PROM2: variants seen among roughly 807,000 people sequenced by gnomAD.
The protein encoded by PROM2 is prominin 2, also known as prominin-2.
PROM2 carries 90 observed loss-of-function variants against 110.2 expected under a neutral mutation model. The observed-to-expected ratio is 0.82, with a 90% CI of 0.69 to 0.97. The LOEUF is 0.97. PROM2 is among the 50% of genes least tolerant of loss of function. The pLI is 0.00. For missense variants in PROM2, 1,009 were observed against 1,074.8 expected (o/e 0.94, Z 0.86); for synonymous variants, 470 against 467.8 (o/e 1.00, Z -0.06).
In PROM2 at chr2:95,288,246, C is replaced by T. The variant is rs531638431; in HGVS notation, c.2280C>T (p.Ser760=). 34 of 1,614,046 alleles carry T rather than the reference C, an allele frequency of 2.1e-5. 1 individual carries two copies. The highest frequency in any genetic ancestry group is 1.1e-4 in the South Asian group (10 of 91,084). ...GCATTGCCACCTGCCAGCCCCTCTC[C>T]GGAGCCCTGGACAACAGCCGTGTGA... is the stretch of plus-strand genomic sequence containing the variant. ...TQRIATCQPL[S]GALDNSRVIL... is the part of the protein sequence containing the mutation. Residue 760 remains serine, a synonymous_variant, in exon 21 of 24, where the codon TCC becomes TCT. Transcript: ENST00000317620.
intron 12 of PROM2, 96 bp downstream of exon 12, chr2:95,281,461 T>C (rs965739701): frequency 1.6e-5 from 12 of 763,772 alleles, no homozygotes; most frequent in African/African-American, 2.2e-5. Context: ...GGTCGGGGGG[T>C]AAAAGGGAGA....
At chr2:95,278,068 C>G in intron 8 of PROM2, 64 bp downstream of exon 8, 1 of 1,419,936 alleles carries the variant, frequency 7.0e-7, no homozygotes, top group Admixed American at 1.8e-5. Context: ...CTGTTTCCCC[C>G]TTTTGGGCAG....
chr2:95,279,178 T>C (rs779273828), intron 10 of PROM2, 34 bp downstream of exon 10: 13 of 257,192 alleles, frequency 5.1e-5, no homozygotes, highest in Non-Finnish European at 7.5e-5. Context: ...TGGGGTGGGG[T>C]GGGGTGGGCA....
Position 95,285,341 on chromosome 2 carries a change from C to T in PROM2, c.1875+226C>T, listed in dbSNP as rs1473918641. On this transcript the variant is annotated intron_variant, in intron 15 of 23. Transcript: ENST00000317620. ...GACAACCTCTCCCCCAACCCAACAG[C>T]ATGTGTTGCTGTTCATGGTCCTGAA... is the stretch of plus-strand genomic sequence containing the variant. 2.6e-5 allele frequency among the ~76,000 whole-genome samples: 4 copies of T among 152,342 alleles called. No homozygotes were observed. The East Asian group carries it at 5.8e-4, about 22-fold the overall frequency.
At position 95,276,795 on chromosome 2, in the gene PROM2, A is replaced by G; in HGVS notation, c.682+138A>G. The G allele has an allele frequency of 8.7e-7, 1 of 1,151,854 alleles. No individual in the cohort carries two copies. The allele number at this position is 1,151,854 out of a possible 1,614,324, so 71.4% of individuals were successfully genotyped here. The stretch of plus-strand genomic sequence containing the variant: ...TAGAGGTGGGGATCAGGCCGGCTGG[A>G]GAGCAAGAGTGGCCGCCACTCAGCT... On this transcript the variant is annotated intron_variant, in intron 5 of 23. Transcript: ENST00000317620. The surrounding 1 kb of genome is among the most constrained non-coding windows in gnomAD (Gnocchi z 4.6).
rs1361427981 is a variant in PROM2 at position 95,277,183 on chromosome 2, G to T, written c.772+122G>T. The T allele has an allele frequency of 6.2e-6, 7 of 1,136,192 alleles. No individual in the cohort carries two copies. In the East Asian group the frequency reaches 1.6e-4, roughly 25 times the overall value. 70.4% of individuals were successfully genotyped at this position (1,136,192 alleles called of 1,614,324 possible). A position where few individuals can be genotyped will look rare whatever the true frequency, so the allele number is the denominator to read the frequency against. Reference sequence around the variant, plus strand: ...CTGCCCCACCTGTGACTTCCCCATCGCTGTACCCCAGGATCCAGCCCCCCT... The same window carrying T: ...CTGCCCCACCTGTGACTTCCCCATCTCTGTACCCCAGGATCCAGCCCCCCT... On this transcript the variant is annotated intron_variant, in intron 6 of 23. Coordinates refer to ENST00000317620, the MANE Select transcript of PROM2 (RefSeq NM_001165978.3).
chr2:95,276,586 T>C lies in PROM2; in HGVS notation c.619-8T>C. ...GAAGGGCAGCCTCAGGGCCTTGTGT[T>C]TGCCTAGGAGCTGCAGGCCGTGGCA... On this transcript the variant is annotated splice_region_variant and splice_polypyrimidine_tract_variant and intron_variant, in intron 4 of 23. Coordinates refer to ENST00000317620, the MANE Select transcript of PROM2 (RefSeq NM_001165978.3). The surrounding 1 kb of genome is among the most constrained non-coding windows in gnomAD (Gnocchi z 4.6). The C allele has an allele frequency of 1.9e-6, 3 of 1,613,866 alleles. No homozygotes were observed. The highest frequency in any genetic ancestry group is 2.5e-6 in the Non-Finnish European group (3 of 1,180,004).
chr2:95,276,579 C>T lies in PROM2; in HGVS notation c.619-15C>T. ...TGACCAGGAAGGGCAGCCTCAGGGCCTTGTGTTTGCCTAGGAGCTGCAGGC... is the reference window on the plus strand; with the variant it reads ...TGACCAGGAAGGGCAGCCTCAGGGCTTTGTGTTTGCCTAGGAGCTGCAGGC... On this transcript the variant is annotated splice_polypyrimidine_tract_variant and intron_variant, in intron 4 of 23. Coordinates refer to ENST00000317620, the MANE Select transcript of PROM2 (RefSeq NM_001165978.3). The surrounding 1 kb of genome is among the most constrained non-coding windows in gnomAD (Gnocchi z 4.6). 6.2e-7 allele frequency: 1 copy of T among 1,613,968 alleles called. No individual in the cohort carries two copies. Among genetic ancestry groups the T allele is most frequent in the Non-Finnish European group, 8.5e-7 (1 of 1,180,024 alleles).
intron 16 of PROM2, 53 bp from the exon 17 acceptor site, chr2:95,286,426 T>G: frequency 4.0e-6 from 6 of 1,485,576 alleles, no homozygotes; most frequent in African/African-American, 1.4e-5. Context: ...AAAGGCTGGG[T>G]GACGGGTAGA....
chr2:95,287,069 G>A, intron 18 of PROM2, 64 bp from the exon 19 acceptor site: 1 of 1,452,874 alleles, frequency 6.9e-7, no homozygotes, highest in Admixed American at 1.7e-5. Flanking sequence ...GCTGTGGTGT[G>A]TGTTGAATTA....
At position 95,276,588 on chromosome 2, in the gene PROM2, G is replaced by A. The variant is rs1441644891; in HGVS notation, c.619-6G>A. 1 of 1,613,940 alleles carries A rather than the reference G, an allele frequency of 6.2e-7. No individual in the cohort carries two copies. The highest frequency in any genetic ancestry group is 1.7e-5 in the Admixed American group (1 of 60,028). ...AGGGCAGCCTCAGGGCCTTGTGTTT[G>A]CCTAGGAGCTGCAGGCCGTGGCACA... On this transcript the variant is annotated splice_region_variant and splice_polypyrimidine_tract_variant and intron_variant, in intron 4 of 23. Transcript: ENST00000317620. The surrounding 1 kb of genome is among the most constrained non-coding windows in gnomAD (Gnocchi z 4.6).
At chr2:95,274,854 G>A in intron 1 of PROM2, 25 bp downstream of exon 1, 1 of 1,512,002 alleles carries the variant, frequency 6.6e-7, no homozygotes. Flanking sequence ...CCCCCATGAG[G>A]GCCTCAGCAT....
In PROM2 at chr2:95,289,668, C is replaced by T. The variant is rs1266253632; in HGVS notation, c.*455C>T. On this transcript the variant is annotated 3_prime_UTR_variant, in exon 24 of 24. Transcript: ENST00000317620. ...GCCCCCCACACCGTCCTCATCTGGC[C>T]TCCCCCCTGGCCCCCACTTCCCTCT... 1.3e-5 allele frequency: 2 copies of T among 149,056 alleles called. No individual in the cohort carries two copies. The highest frequency in any genetic ancestry group is 4.9e-5 in the African/African-American group (2 of 40,570). The allele number at this position is 149,056 out of a possible 1,614,324, so 9.2% of individuals were successfully genotyped here.
At chr2:95,277,191 C>T in intron 6 of PROM2, 130 bp downstream of exon 6, 1 of 1,122,042 alleles carries the variant, frequency 8.9e-7, no homozygotes, top group South Asian at 1.6e-5. Context: ...TCGCTGTACC[C>T]CAGGATCCAG....
At chr2:95,287,339 G>T (rs1439439419) in intron 19 of PROM2, 57 bp from the exon 20 acceptor site, 5 of 1,593,974 alleles carry the variant, frequency 3.1e-6, no homozygotes, top group East Asian at 2.2e-5. Flanking sequence ...TGGCGTGGGT[G>T]GGGGGCACTG....
Position 95,275,770 on chromosome 2 carries a change from G to A in PROM2, c.295-160G>A. The A allele has an allele frequency of 6.8e-7, 1 of 1,468,268 alleles. No homozygotes were observed. Among genetic ancestry groups the A allele is most frequent in the Non-Finnish European group, 9.0e-7 (1 of 1,112,532 alleles). The allele number at this position is 1,468,268 out of a possible 1,614,324, so 91.0% of individuals were successfully genotyped here. A position where few individuals can be genotyped will look rare whatever the true frequency, so the allele number is the denominator to read the frequency against. ...GCTTCCTCCTGTGTAAGATGGTGAT[G>A]AGCAGTAAGAATGCGGTCACCTCTG... On this transcript the variant is annotated intron_variant, in intron 2 of 23. Coordinates refer to ENST00000317620, the MANE Select transcript of PROM2 (RefSeq NM_001165978.3). The surrounding 1 kb of genome is among the most constrained non-coding windows in gnomAD (Gnocchi z 4.4).
Position 95,276,062 on chromosome 2 carries a change from G to T in PROM2, c.427G>T (p.Glu143Ter). 2 of 1,611,374 alleles carry T rather than the reference G, an allele frequency of 1.2e-6. No homozygotes were observed. The highest frequency in any genetic ancestry group is 4.5e-5 in the East Asian group (2 of 44,868). The change falls in exon 3 of 24, where the codon GAG (glutamate) becomes TAG (stop). Residue 143 changes from glutamate (E) to a stop codon, truncating the protein, a stop_gained. Coordinates refer to ENST00000317620, the MANE Select transcript of PROM2 (RefSeq NM_001165978.3). LOFTEE classifies it high-confidence loss of function. This position sits in a 1 kb window ranked among gnomAD's most constrained non-coding sequence, Gnocchi z 4.6. ...HRRCGGRVKTEHKALACERAA... is the reference protein window; with the variant it reads ...HRRCGGRVKT Reference sequence around the variant, plus strand: ...GCGCTGCGGGGGACGAGTGAAGACAGAGCACAAGGCGCTGGCCTGTGAGCG... The same window carrying T: ...GCGCTGCGGGGGACGAGTGAAGACATAGCACAAGGCGCTGGCCTGTGAGCG...
chr2:95,289,073 T>TTGGGGGG, intron 23 of PROM2, 67 bp downstream of exon 23: 1 of 693,716 alleles, frequency 1.4e-6, no homozygotes. Flanking sequence ...GGGGAGGGGC[T>TTGGGGGG]GGGGTCTGGG....
At position 95,276,487 on chromosome 2, in the gene PROM2, C is replaced by G; in HGVS notation, c.619-107C>G. The G allele has an allele frequency of 6.3e-7, 1 of 1,593,034 alleles. No individual in the cohort carries two copies. Among genetic ancestry groups the G allele is most frequent in the Non-Finnish European group, 8.6e-7 (1 of 1,163,490 alleles). On this transcript the variant is annotated intron_variant, in intron 4 of 23. Coordinates refer to ENST00000317620, the MANE Select transcript of PROM2 (RefSeq NM_001165978.3). This position sits in a 1 kb window ranked among gnomAD's most constrained non-coding sequence, Gnocchi z 4.6. ...CTCCCGCCCTTGCCTGAGAGTCGAC[C>G]ACCCTCAGGGTGGATGCCATAGGGG...
Sources: allele counts gnomAD v4.1 joint callset (sites outside exome capture counted in the v4.1 genomes callset), GRCh38; gene constraint gnomAD v4.1.1; non-coding constraint Gnocchi (gnomAD v3.1); transcripts MANE v1.5; gene names NCBI Gene and HGNC (gene_info 2026-07-23, HGNC 2026-07-21).